Variants in SLCO3A1 observed in about 807,000 individuals in gnomAD.
SLCO3A1 encodes the protein solute carrier organic anion transporter family member 3A1.
Under a neutral mutation model 63.1 loss-of-function variants are expected in SLCO3A1, and 27 were observed. That is an observed-to-expected ratio of 0.43 (90% CI 0.32 to 0.59). The LOEUF (loss-of-function observed/expected upper bound fraction) is 0.59, where lower values mean the gene tolerates loss of function less well. SLCO3A1 is among the 20% of genes least tolerant of loss of function. The pLI is 0.09. For missense variants in SLCO3A1, 773 were observed against 945.8 expected (o/e 0.82, Z 2.40); for synonymous variants, 473 against 409.9 (o/e 1.15, Z -1.86).
At chr15:92,015,974 A>T (rs1000770278) in intron 2 of SLCO3A1, among the ~76,000 whole-genome samples, 2 of 152,192 alleles carry the variant, frequency 1.3e-5, no homozygotes, top group African/African-American at 4.8e-5. Context: ...CACCAAATGA[A>T]TTGCAGAGAC....
rs1417963037 is a variant in SLCO3A1 at position 91,897,621 on chromosome 15, G to A, written c.181-18372G>A. ...CCTTTGACTATCTCAAAACGTGGCT[G>A]CAGGTGTTTTCCCTAGCTGATGAAA... On this transcript the variant is annotated intron_variant, in intron 1 of 9. Transcript: ENST00000318445. The surrounding 1 kb of genome is among the most constrained non-coding windows in gnomAD (Gnocchi z 4.7). Among the ~76,000 whole-genome samples, 1 of 152,186 alleles carries A rather than the reference G, an allele frequency of 6.6e-6. No homozygotes were observed. Among genetic ancestry groups the A allele is most frequent in the Non-Finnish European group, 1.5e-5 (1 of 68,034 alleles).
intron 2 of SLCO3A1, among the ~76,000 whole-genome samples, chr15:91,996,107 TAAA>T (rs2046188938): frequency 6.6e-6 from 1 of 152,108 alleles, no homozygotes. Context: ...TTATCAATGT[TAAA>T]AAAGAGATAA....
chr15:92,048,220 G>T (rs777073825), intron 2 of SLCO3A1, among the ~76,000 whole-genome samples: 4 of 151,984 alleles, frequency 2.6e-5, no homozygotes, highest in Non-Finnish European at 5.9e-5. Context: ...GACTTATTCT[G>T]CCATCCCTAC....
chr15:91,899,745 G>C (rs1388503914), intron 1 of SLCO3A1, among the ~76,000 whole-genome samples: 1 of 152,188 alleles, frequency 6.6e-6, no homozygotes, highest in African/African-American at 2.4e-5. Context: ...GAAAGTTGCT[G>C]ATGCCCAGTT....
In SLCO3A1 at chr15:91,886,692, A is replaced by G. The variant is rs1182357341; in HGVS notation, c.181-29301A>G. 6.6e-6 allele frequency among the ~76,000 whole-genome samples: 1 copy of G among 152,200 alleles called. No individual in the cohort carries two copies. Among genetic ancestry groups the G allele is most frequent in the Non-Finnish European group, 1.5e-5 (1 of 68,040 alleles). On this transcript the variant is annotated intron_variant, in intron 1 of 9. Transcript: ENST00000318445. The surrounding 1 kb of genome is among the most constrained non-coding windows in gnomAD (Gnocchi z 4.9). Reference sequence around the variant, plus strand: ...TCAGGCTTTGCTTTCAAGACTTCACACTGACTACATCAATCTGAATAATCG... The same window carrying G: ...TCAGGCTTTGCTTTCAAGACTTCACGCTGACTACATCAATCTGAATAATCG...
At chr15:92,104,250 C>G in intron 3 of SLCO3A1, 29 bp from the exon 4 acceptor site, 3 of 1,611,746 alleles carry the variant, frequency 1.9e-6, no homozygotes, top group East Asian at 2.2e-5. Context: ...CTTCTTTTCT[C>G]CACTAAGCTG....
intron 4 of SLCO3A1, among the ~76,000 whole-genome samples, chr15:92,114,914 G>A (rs139571493): frequency 4.6e-5 from 7 of 152,214 alleles, no homozygotes; most frequent in East Asian, 1.9e-4. Context: ...TCAATGAAGC[G>A]TTGGTTTTCT....
At chr15:91,903,951 G>A (rs537065068) in intron 1 of SLCO3A1, among the ~76,000 whole-genome samples, 6 of 152,250 alleles carry the variant, frequency 3.9e-5, no homozygotes, top group Non-Finnish European at 5.9e-5. Flanking sequence ...GGGTGGAGCC[G>A]GTGGAGAGGG....
chr15:92,046,012 G>A (rs1055862229), intron 2 of SLCO3A1, among the ~76,000 whole-genome samples: 37 of 152,068 alleles, frequency 2.4e-4, no homozygotes, highest in African/African-American at 8.7e-4. Context: ...GGGAAGGGAT[G>A]GTTTCATTTA....
intron 2 of SLCO3A1, among the ~76,000 whole-genome samples, chr15:92,005,158 C>A (rs1441904183): frequency 6.6e-6 from 1 of 152,108 alleles, no homozygotes; most frequent in Middle Eastern, 3.2e-3. Context: ...CTTTAGAACC[C>A]TACAGAGAGA....
chr15:91,910,328 C>T (rs1415434363), intron 1 of SLCO3A1, among the ~76,000 whole-genome samples: 1 of 152,236 alleles, frequency 6.6e-6, no homozygotes, highest in African/African-American at 2.4e-5. Flanking sequence ...TACCCTGTTG[C>T]AGGCTGTACC....
intron 2 of SLCO3A1, among the ~76,000 whole-genome samples, chr15:92,014,677 T>C (rs1465168534): frequency 6.6e-6 from 1 of 152,146 alleles, no homozygotes; most frequent in East Asian, 1.9e-4. Flanking sequence ...ATTTATTGCT[T>C]ATACAACATT....
rs763607419 is a variant in SLCO3A1, at chr15:92,104,511, C to G, written c.978C>G (p.Asp326Glu). The change falls in exon 4 of 10, where the codon GAC becomes GAG. Residue 326 changes from aspartate to glutamate, a missense_variant. Coordinates refer to ENST00000318445, the MANE Select transcript of SLCO3A1 (RefSeq NM_013272.4). Reference sequence around the variant, plus strand: ...TCCTGAGGCACCCCCTGGAGCCAGACAGCAGTGCCTCCTGTTTCCAGCAGC... The same window carrying G: ...TCCTGAGGCACCCCCTGGAGCCAGAGAGCAGTGCCTCCTGTTTCCAGCAGC... ...NGVLRHPLEP[D>E]SSASCFQQLR... is the part of the protein sequence containing the mutation. 1 of 1,613,948 alleles carries G rather than the reference C, an allele frequency of 6.2e-7. No individual in the cohort carries two copies. The highest frequency in any genetic ancestry group is 1.1e-5 in the South Asian group (1 of 91,080).
rs1897966773 is a variant in SLCO3A1 at position 91,894,939 on chromosome 15, T to C, written c.181-21054T>C. Among the ~76,000 whole-genome samples the C allele has an allele frequency of 1.3e-5, 2 of 152,180 alleles. No individual in the cohort carries two copies. Among genetic ancestry groups the C allele is most frequent in the African/African-American group, 4.8e-5 (2 of 41,444 alleles). On this transcript the variant is annotated intron_variant, in intron 1 of 9. Coordinates refer to ENST00000318445, the MANE Select transcript of SLCO3A1 (RefSeq NM_013272.4). The surrounding 1 kb of genome is among the most constrained non-coding windows in gnomAD (Gnocchi z 4.8). ...GGTTGAGTCTGTTGTTCCTAATCCA[T>C]ACCTGCATCCTGGACTTGTGGCTGT...
rs2048326505 is a variant in SLCO3A1 at position 92,152,963 on chromosome 15, A to G, written c.1753+1949A>G. On this transcript the variant is annotated intron_variant, in intron 9 of 9. Transcript: ENST00000318445. ...GGCAGAACATTTTTTTGATAGCACAAGATGAAAAACAATTTGCAAGGTATT... is the reference window on the plus strand; with the variant it reads ...GGCAGAACATTTTTTTGATAGCACAGGATGAAAAACAATTTGCAAGGTATT... Among the ~76,000 whole-genome samples the G allele has an allele frequency of 3.9e-5, 6 of 152,352 alleles. No individual in the cohort carries two copies. The South Asian group carries it at 1.2e-3, about 32-fold the overall frequency.
intron 2 of SLCO3A1, among the ~76,000 whole-genome samples, chr15:92,053,827 G>A (rs975574322): frequency 4.6e-5 from 7 of 152,056 alleles, no homozygotes; most frequent in African/African-American, 1.4e-4. Flanking sequence ...TATCACTGGG[G>A]GTATTGGCTG....
At chr15:92,087,663 C>T (rs1389235453) in intron 2 of SLCO3A1, among the ~76,000 whole-genome samples, 1 of 151,722 alleles carries the variant, frequency 6.6e-6, no homozygotes, top group Non-Finnish European at 1.5e-5. Context: ...GGATTACAGG[C>T]ATGTACCACC....
At chr15:91,991,212 A>C (rs973991860) in intron 2 of SLCO3A1, among the ~76,000 whole-genome samples, 2 of 152,116 alleles carry the variant, frequency 1.3e-5, no homozygotes, top group African/African-American at 4.8e-5. Context: ...TCTACAAAAA[A>C]ATCAAAAAAT....
intron 2 of SLCO3A1, among the ~76,000 whole-genome samples, chr15:92,029,904 GTC>G (rs1387633921): frequency 6.6e-6 from 1 of 152,016 alleles, no homozygotes; most frequent in Admixed American, 6.6e-5. Context: ...CAGGTGAAGA[GTC>G]TGTGAACCAA....
Sources: allele counts gnomAD v4.1 joint callset (sites outside exome capture counted in the v4.1 genomes callset), GRCh38; gene constraint gnomAD v4.1.1; non-coding constraint Gnocchi (gnomAD v3.1); transcripts MANE v1.5; gene names NCBI Gene and HGNC (gene_info 2026-07-23, HGNC 2026-07-21).